FBXO4: variants seen among roughly 807,000 people sequenced by gnomAD.
FBXO4 encodes the protein F-box protein 4, also known as F-box only protein 4.
In FBXO4, 36 loss-of-function variants were observed where a neutral mutation model predicts 43.7. The observed-to-expected ratio is 0.82, with a 90% confidence interval of 0.63 to 1.09. FBXO4 has a LOEUF of 1.09. FBXO4 is among the 50% of genes least tolerant of loss of function. The probability of loss-of-function intolerance (pLI) is 0.00; values close to 1 mark genes in which losing one functional copy is unlikely to be tolerated. For missense variants in FBXO4, 435 were observed against 474.1 expected (o/e 0.92, Z 0.77); for synonymous variants, 180 against 165.6 (o/e 1.09, Z -0.67).
chr5:41,962,732 C>T, the FBXO4 span, among the ~76,000 whole-genome samples: 1 of 152,164 alleles, frequency 6.6e-6, no homozygotes, highest in Non-Finnish European at 1.5e-5. Flanking sequence ...AGCATTCCTA[C>T]CCCGGCCCAA....
At chr5:41,963,290 G>C in the FBXO4 span, among the ~76,000 whole-genome samples, 1 of 151,830 alleles carries the variant, frequency 6.6e-6, no homozygotes, top group African/African-American at 2.4e-5. Context: ...ATATATTGGA[G>C]GTATTAATCT....
At chr5:41,949,714 C>T in the FBXO4 span, among the ~76,000 whole-genome samples, 1 of 152,138 alleles carries the variant, frequency 6.6e-6, no homozygotes, top group Admixed American at 6.5e-5. Context: ...GAAAAAACTA[C>T]TTTAAAGTTC....
At chr5:42,002,166 G>C in the FBXO4 span, among the ~76,000 whole-genome samples, 1 of 152,066 alleles carries the variant, frequency 6.6e-6, no homozygotes, top group Non-Finnish European at 1.5e-5. Flanking sequence ...TCTGTAAACA[G>C]GCCACCCAAA....
At chr5:42,016,230 C>A in the FBXO4 span, among the ~76,000 whole-genome samples, 1 of 152,108 alleles carries the variant, frequency 6.6e-6, no homozygotes, top group Non-Finnish European at 1.5e-5. Context: ...ACTTGTCCTG[C>A]AGACAGAGGT....
chr5:42,006,205 C>T, the FBXO4 span, among the ~76,000 whole-genome samples: 3 of 152,060 alleles, frequency 2.0e-5, no homozygotes, highest in African/African-American at 7.2e-5. Flanking sequence ...TCTCACTAGT[C>T]AAGAAATACT....
chr5:41,972,955 A>T, the FBXO4 span, among the ~76,000 whole-genome samples: 1 of 152,158 alleles, frequency 6.6e-6, no homozygotes, highest in African/African-American at 2.4e-5. Context: ...TAAGACCCAA[A>T]ACTATAAAAA....
At chr5:42,001,193 C>T in the FBXO4 span, among the ~76,000 whole-genome samples, 2 of 151,994 alleles carry the variant, frequency 1.3e-5, no homozygotes, top group South Asian at 4.1e-4. Flanking sequence ...AATATAAATT[C>T]TTCAAATCCA....
chr5:41,929,807 T>C lies in FBXO4; in HGVS notation c.536T>C (p.Phe179Ser). The C allele has an allele frequency of 6.2e-7, 1 of 1,614,190 alleles. No individual in the cohort carries two copies. Among genetic ancestry groups the C allele is most frequent in the Non-Finnish European group, 8.5e-7 (1 of 1,180,022 alleles). ...HSLIIQNEPR[F>S]AMFGPGLEEL... The stretch of plus-strand genomic sequence containing the variant: ...CTGATCATTCAGAATGAACCACGAT[T>C]TGCTATGTTTGGACCAGGTTTGGAA... Residue 179 changes from phenylalanine (F) to serine (S), a missense_variant, in exon 3 of 7, where the codon TTT (phenylalanine) becomes TCT (serine). Phe to Ser is a radical substitution (Grantham distance 155). Coordinates refer to ENST00000281623, the MANE Select transcript of FBXO4 (RefSeq NM_012176.3).
chr5:42,017,106 A>T, the FBXO4 span, among the ~76,000 whole-genome samples: 2 of 152,034 alleles, frequency 1.3e-5, no homozygotes, highest in Non-Finnish European at 2.9e-5. Flanking sequence ...TAGATATAAC[A>T]TATGTATCTG....
intron 5 of FBXO4, chr5:41,934,516 A>G: frequency 7.2e-7 from 1 of 1,384,272 alleles, no homozygotes; most frequent in Non-Finnish European, 9.4e-7. Context: ...TAACAAGCTG[A>G]TTCCTACCCT....
At chr5:42,021,613 C>T in the FBXO4 span, among the ~76,000 whole-genome samples, 2 of 152,078 alleles carry the variant, frequency 1.3e-5, no homozygotes, top group African/African-American at 2.4e-5. Flanking sequence ...AACCTAACAG[C>T]CATTTTTCCA....
intron 6 of FBXO4, 133 bp from the exon 7 acceptor site, chr5:41,941,059 G>A (rs1424899216): frequency 1.7e-6 from 1 of 583,336 alleles, no homozygotes; most frequent in Non-Finnish European, 3.0e-6. Flanking sequence ...CAAAACTTGA[G>A]CAACTTATCC....
the FBXO4 span, among the ~76,000 whole-genome samples, chr5:41,979,418 C>A: frequency 1.2e-4 from 18 of 152,164 alleles, no homozygotes; most frequent in Admixed American, 1.2e-3. Context: ...ATCATACCTA[C>A]CACTGATTAT....
At position 41,929,622 on chromosome 5, in the gene FBXO4, A is replaced by AATAAATT. The variant is rs776782256; in HGVS notation, c.426-71_426-65dup. On this transcript the variant is annotated intron_variant, in intron 2 of 6. Transcript: ENST00000281623. The stretch of plus-strand genomic sequence containing the variant: ...TATCCATTGTGTCTAGCAAGTACTC[A>AATAAATT]ATAAATTATATATTTTTGAATGAAT... 9.2e-4 allele frequency: 1,018 copies of AATAAATT among 1,108,732 alleles called. 1 individual carries two copies. Among genetic ancestry groups the AATAAATT allele is most frequent in the Non-Finnish European group, 1.2e-3 (933 of 769,162 alleles). 68.7% of individuals were successfully genotyped at this position (1,108,732 alleles called of 1,614,324 possible). A position where few individuals can be genotyped will look rare whatever the true frequency, so the allele number is the denominator to read the frequency against.
At chr5:42,017,720 A>T in the FBXO4 span, among the ~76,000 whole-genome samples, 1 of 151,266 alleles carries the variant, frequency 6.6e-6, no homozygotes, top group Non-Finnish European at 1.5e-5. Flanking sequence ...GCATCAATTC[A>T]CTTAGGGTAA....
the FBXO4 span, among the ~76,000 whole-genome samples, chr5:42,004,692 TA>T: frequency 2.0e-5 from 3 of 152,296 alleles, no homozygotes; most frequent in Admixed American, 1.3e-4. Context: ...GGAATAACCA[TA>T]AGCACACAGT....
the FBXO4 span, among the ~76,000 whole-genome samples, chr5:42,028,108 G>C: frequency 6.6e-6 from 1 of 151,820 alleles, no homozygotes; most frequent in East Asian, 1.9e-4. Context: ...TGGAAGATCT[G>C]TCTGGAAGAA....
At chr5:41,995,611 C>T in the FBXO4 span, among the ~76,000 whole-genome samples, 1 of 152,094 alleles carries the variant, frequency 6.6e-6, no homozygotes, top group Non-Finnish European at 1.5e-5. Flanking sequence ...TGAGTGGTGT[C>T]CACAGAACTA....
the FBXO4 span, among the ~76,000 whole-genome samples, chr5:41,998,532 C>T: frequency 6.6e-6 from 1 of 152,130 alleles, no homozygotes; most frequent in Non-Finnish European, 1.5e-5. Context: ...TTAGTTAACC[C>T]AGCAAATAAA....
Sources: gnomAD v4.1 joint callset for allele counts (sites outside exome capture counted in the v4.1 genomes callset) on GRCh38, gnomAD v4.1.1 for gene constraint, MANE v1.5 for transcripts, NCBI Gene and HGNC (gene_info 2026-07-23, HGNC 2026-07-21) for gene names.